Variants in IL2RB observed in about 807,000 individuals in gnomAD.
IL2RB encodes interleukin 2 receptor subunit beta.
Under a neutral mutation model 44.2 loss-of-function variants are expected in IL2RB, and 17 were observed. The ratio of observed to expected loss-of-function variants is 0.38; its 90% CI spans 0.26 to 0.58. IL2RB has a LOEUF of 0.58. Ranked by LOEUF, IL2RB falls within the 20% of genes least tolerant of loss-of-function variation. The pLI, the probability that IL2RB is intolerant of heterozygous loss-of-function variation, is 0.63. For missense variants in IL2RB, 624 were observed against 685.5 expected (o/e 0.91, Z 1.00); for synonymous variants, 286 against 297.9 (o/e 0.96, Z 0.41).
intron 7 of IL2RB, among the ~76,000 whole-genome samples, chr22:37,135,882 CA>C (rs1398164674): frequency 1.3e-5 from 2 of 152,208 alleles, no homozygotes; most frequent in Non-Finnish European, 2.9e-5. Context: ...GCCTTCCTCA[CA>C]GCAGCTCTGC....
chr22:37,161,066 C>G (rs569766151), intron 1 of IL2RB, among the ~76,000 whole-genome samples: 1 of 152,196 alleles, frequency 6.6e-6, no homozygotes, highest in Non-Finnish European at 1.5e-5. Context: ...GCTTGAACCC[C>G]GGGAGGTGGA....
In IL2RB at chr22:37,144,222, AAG is replaced by A. The variant is rs1178198522; in HGVS notation, c.-33-19_-33-18del. ...AAGGAAGCCCTGGTGGGAGAGGAGAAAGAGAGAGCACACGTAAATACACATCC... is the reference window on the plus strand; with the variant it reads ...AAGGAAGCCCTGGTGGGAGAGGAGAAAGAGAGCACACGTAAATACACATCC... On this transcript the variant is annotated intron_variant, in intron 1 of 9. Transcript: ENST00000216223. 1.3e-6 allele frequency: 2 copies of A among 1,534,370 alleles called. No individual in the cohort carries two copies. The highest frequency in any genetic ancestry group is 2.0e-5 in the Admixed American group (1 of 49,064).
rs1326801820 is a variant in IL2RB, at chr22:37,160,800, G to A, written c.-34+14158C>T. 5.3e-5 allele frequency among the ~76,000 whole-genome samples: 8 copies of A among 151,938 alleles called. No homozygotes were observed. In the East Asian group the frequency reaches 9.7e-4, roughly 18 times the overall value. On this transcript the variant is annotated intron_variant, in intron 1 of 5. Transcript: ENST00000429622. ...GGGAAGCAGAGGTTGCAGTGAGATC[G>A]TGGTGACAGAGCGAGACTGGGTGAC...
At chr22:37,140,076 G>A (rs1202087038) in intron 4 of IL2RB, among the ~76,000 whole-genome samples, 2 of 152,176 alleles carry the variant, frequency 1.3e-5, no homozygotes, top group African/African-American at 4.8e-5. Flanking sequence ...TCTAGTGCAG[G>A]CCTCTTAGGA....
intron 1 of IL2RB, among the ~76,000 whole-genome samples, chr22:37,155,369 C>A (rs1272109810): frequency 6.6e-6 from 1 of 152,336 alleles, no homozygotes; most frequent in South Asian, 2.1e-4. Flanking sequence ...TTTCACCCCC[C>A]AGCCACTCCC....
chr22:37,163,576 A>G (rs192891522), intron 1 of IL2RB, among the ~76,000 whole-genome samples: 6 of 152,302 alleles, frequency 3.9e-5, no homozygotes, highest in Admixed American at 1.3e-4. Flanking sequence ...GATTGGAGGA[A>G]TCCAAACTGG....
chr22:37,140,656 T>A (rs1921919282), intron 4 of IL2RB, among the ~76,000 whole-genome samples: 1 of 142,596 alleles, frequency 7.0e-6, no homozygotes, highest in African/African-American at 2.8e-5. Flanking sequence ...CACACTCTCC[T>A]GCCCCTCAAG....
intron 1 of IL2RB, among the ~76,000 whole-genome samples, chr22:37,170,076 AGAAGGAAGGAAGAAT>A (rs1569056291): frequency 0.019 from 306 of 15,866 alleles, 2 homozygotes; most frequent in Middle Eastern, 0.17. Context: ...AGGATGGGGG[AGAAGGAAGGAAGAAT>A]GGATGGATGG....
intron 2 of IL2RB, 122 bp downstream of exon 2, chr22:37,143,963 G>C: frequency 1.5e-6 from 2 of 1,336,312 alleles, no homozygotes; most frequent in Non-Finnish European, 2.1e-6. Flanking sequence ...CCAGGACAGA[G>C]GGTGAGGCAG....
chr22:37,148,447 T>C (rs1437095537), intron 1 of IL2RB, among the ~76,000 whole-genome samples: 1 of 152,144 alleles, frequency 6.6e-6, no homozygotes, highest in East Asian at 1.9e-4. Flanking sequence ...CACCCACACG[T>C]GCCCTGTCGT....
In IL2RB at chr22:37,135,314, G is replaced by A. The variant is rs781581480; in HGVS notation, c.818+14C>T. The A allele has an allele frequency of 1.3e-6, 2 of 1,587,224 alleles. No individual in the cohort carries two copies. The highest frequency in any genetic ancestry group is 1.7e-6 in the Non-Finnish European group (2 of 1,155,882). ...GGGTGGGAGCATGAAGGAAGGGGAG[G>A]AGAACCTTCTTACCATGGCCCGGTG... On this transcript the variant is annotated intron_variant, in intron 8 of 9. Transcript: ENST00000216223.
intron 1 of IL2RB, among the ~76,000 whole-genome samples, chr22:37,165,958 G>A (rs1469593458): frequency 6.6e-6 from 1 of 152,212 alleles, no homozygotes; most frequent in Non-Finnish European, 1.5e-5. Context: ...AGGGGAGCGA[G>A]ATCATGGCCT....
upstream of IL2RB, among the ~76,000 whole-genome samples, chr22:37,150,729 C>A (rs984027211): frequency 2.0e-5 from 3 of 152,132 alleles, no homozygotes; most frequent in Non-Finnish European, 4.4e-5. Flanking sequence ...CCCCTCCAAC[C>A]CCCACTGCCC....
At chr22:37,138,588 CAG>C (rs1262795915) in intron 5 of IL2RB, among the ~76,000 whole-genome samples, 1 of 152,210 alleles carries the variant, frequency 6.6e-6, no homozygotes, top group East Asian at 1.9e-4. Flanking sequence ...CAAGGAGACA[CAG>C]GGGTGGCAGA....
At chr22:37,153,922 C>T (rs765699104), upstream of IL2RB, among the ~76,000 whole-genome samples, 2 of 152,190 alleles carry the variant, frequency 1.3e-5, no homozygotes, top group African/African-American at 2.4e-5. Flanking sequence ...ATCCATGAGA[C>T]AGCATCAGTC....
chr22:37,142,529 C>A lies in IL2RB; in HGVS notation c.204-17G>T. 1 of 1,613,402 alleles carries A rather than the reference C, an allele frequency of 6.2e-7. No homozygotes were observed. Among genetic ancestry groups the A allele is most frequent in the Non-Finnish European group, 8.5e-7 (1 of 1,179,328 alleles). ...TTCCACCGCCTTTCATGGCAAAAGA[C>A]CCTCTTTAGAAGAACAGGAAGGACC... On this transcript the variant is annotated splice_polypyrimidine_tract_variant and intron_variant, in intron 3 of 9. Coordinates refer to ENST00000216223, the MANE Select transcript of IL2RB (RefSeq NM_000878.5).
At chr22:37,158,204 G>C (rs1385350484) in intron 1 of IL2RB, among the ~76,000 whole-genome samples, 1 of 152,266 alleles carries the variant, frequency 6.6e-6, no homozygotes, top group South Asian at 2.1e-4. Context: ...GACAGGTGAT[G>C]AGCAAATTAG....
At chr22:37,166,176 G>T (rs1292985865) in intron 1 of IL2RB, among the ~76,000 whole-genome samples, 2 of 152,168 alleles carry the variant, frequency 1.3e-5, no homozygotes, top group African/African-American at 4.8e-5. Flanking sequence ...TTGAAGTCCT[G>T]GCTCCTTGGA....
At position 37,136,351 on chromosome 22, in the gene IL2RB, A is replaced by G; in HGVS notation, c.580T>C (p.Cys194Arg). Residue 194 changes from cysteine (C) to arginine (R), a missense_variant, in exon 7 of 10, where the codon TGC becomes CGC. Cys to Arg is a radical substitution (Grantham distance 180, BLOSUM62 -3). Transcript: ENST00000216223. ...LTLKQKQEWI[C>R]LETLTPDTQY... The stretch of plus-strand genomic sequence containing the variant: ...GTGTCTGGGGTGAGCGTCTCCAGGC[A>G]GATCCATTCCTGCTTCTGCTTGAGA... The G allele has an allele frequency of 6.2e-7, 1 of 1,612,878 alleles. No homozygotes were observed. The highest frequency in any genetic ancestry group is 8.5e-7 in the Non-Finnish European group (1 of 1,179,564).
Sources: allele counts gnomAD v4.1 joint callset (sites outside exome capture counted in the v4.1 genomes callset), GRCh38; gene constraint gnomAD v4.1.1; transcripts MANE v1.5; gene names NCBI Gene and HGNC (gene_info 2026-07-23, HGNC 2026-07-21).